The following TLK2 variants were observed in gnomAD, a reference collection of about 807,000 sequenced individuals.
The protein encoded by TLK2 is tousled like kinase 2, also known as serine/threonine-protein kinase tousled-like 2.
TLK2 carries 6 observed loss-of-function variants against 117.3 expected under a neutral mutation model. The observed-to-expected ratio is 0.05, with a 90% CI of 0.03 to 0.10. TLK2 has a LOEUF of 0.10. TLK2 is among the 10% of genes least tolerant of loss of function. The probability of loss-of-function intolerance (pLI) is 1.00; values close to 1 mark genes in which losing one functional copy is unlikely to be tolerated. For synonymous variants in TLK2, 257 were observed against 316.7 expected (o/e 0.81, Z 2.00); for missense variants, 299 against 901.2 (o/e 0.33, Z 8.56).
chr17:62,513,318 CTTTTTT>C (rs35309536), intron 2 of TLK2, among the ~76,000 whole-genome samples: 2 of 99,878 alleles, frequency 2.0e-5, no homozygotes, highest in Non-Finnish European at 3.9e-5. Flanking sequence ...ATTAAATTGC[CTTTTTT>C]TTTTTTTTTT....
chr17:62,505,847 A>C (rs1324739428), intron 2 of TLK2, among the ~76,000 whole-genome samples: 1 of 152,010 alleles, frequency 6.6e-6, no homozygotes, highest in Admixed American at 6.6e-5. Context: ...GCATGCCATC[A>C]TGCCTGGCTA....
chr17:62,532,064 A>G (rs910132020), intron 6 of TLK2, among the ~76,000 whole-genome samples: 1 of 152,190 alleles, frequency 6.6e-6, no homozygotes, highest in African/African-American at 2.4e-5. Flanking sequence ...CCCTTAGGCC[A>G]TATGTGGCTT....
At chr17:62,489,138 A>G (rs1567777158) in intron 2 of TLK2, among the ~76,000 whole-genome samples, 1 of 150,530 alleles carries the variant, frequency 6.6e-6, no homozygotes, top group South Asian at 2.1e-4. Flanking sequence ...TTCCCCTCAC[A>G]ATTCACACGC....
intron 15 of TLK2, among the ~76,000 whole-genome samples, chr17:62,584,376 A>G (rs554477569): frequency 2.0e-5 from 3 of 152,048 alleles, no homozygotes; most frequent in East Asian, 1.9e-4. Context: ...CGGCCTCCCA[A>G]AGTGCTGAGA....
chr17:62,560,132 T>C lies in TLK2; in HGVS notation c.831+6T>C, dbSNP rs1293404698. On this transcript the variant is annotated splice_donor_region_variant and intron_variant, in intron 10 of 21. Coordinates refer to ENST00000346027, the MANE Select transcript of TLK2 (RefSeq NM_006852.6). ...AGAAACTCCTTATAGAAAAGGTTAG[T>C]GAATAATGTTGGTCTAAACTCTGTA... The C allele has an allele frequency of 6.3e-7, 1 of 1,594,612 alleles. No individual in the cohort carries two copies. The highest frequency in any genetic ancestry group is 1.7e-5 in the Admixed American group (1 of 58,584).
chr17:62,576,966 C>CTTTTTTTTTTTTTTTTTTTTT (rs59523807), intron 13 of TLK2, among the ~76,000 whole-genome samples, 191 bp downstream of exon 13: 21 of 115,948 alleles, frequency 1.8e-4, no homozygotes, highest in East Asian at 3.2e-4. Context: ...CTTTCTTCTT[C>CTTTTTTTTTTTTTTTTTTTTT]TTTTTTTTTT....
intron 16 of TLK2, among the ~76,000 whole-genome samples, chr17:62,592,909 C>G (rs8074695): frequency 6.6e-6 from 1 of 152,192 alleles, no homozygotes; most frequent in African/African-American, 2.4e-5. Flanking sequence ...AAGGAGCACA[C>G]AACCTAGATC....
Position 62,472,278 on chromosome 17 carries a change from G to T in TLK2, c.-205+1200G>T, listed in dbSNP as rs141690878. ...CGTCAGGCCTAGGGGTCGTGAAGAGGAAGGTAACTGTTATGCCTACAGTTT... is the reference window on the plus strand; with the variant it reads ...CGTCAGGCCTAGGGGTCGTGAAGAGTAAGGTAACTGTTATGCCTACAGTTT... On this transcript the variant is annotated intron_variant, in intron 1 of 4. Transcript: ENST00000579450. Among the ~76,000 whole-genome samples the T allele has an allele frequency of 5.7e-3, 872 of 152,268 alleles. 8 individuals are homozygous for T. Among genetic ancestry groups the T allele is most frequent in the African/African-American group, 0.02 (831 of 41,560 alleles).
chr17:62,530,198 C>T (rs1362510796), intron 6 of TLK2, among the ~76,000 whole-genome samples: 14 of 151,666 alleles, frequency 9.2e-5, no homozygotes, highest in Non-Finnish European at 1.9e-4. Flanking sequence ...CTCTTGAACC[C>T]GGGAGGCAGA....
At chr17:62,559,538 T>C (rs1343522652) in intron 9 of TLK2, among the ~76,000 whole-genome samples, 1 of 151,920 alleles carries the variant, frequency 6.6e-6, no homozygotes, top group East Asian at 1.9e-4. Context: ...CAACCATGTG[T>C]GGCTAATTTT....
At chr17:62,513,712 G>A (rs2075339976) in intron 2 of TLK2, among the ~76,000 whole-genome samples, 3 of 151,890 alleles carry the variant, frequency 2.0e-5, no homozygotes, top group Non-Finnish European at 4.4e-5. Context: ...TTTTTGGGAT[G>A]GAGTCTGGCT....
intron 6 of TLK2, among the ~76,000 whole-genome samples, chr17:62,525,047 G>A (rs1303000218): frequency 2.0e-5 from 3 of 152,158 alleles, no homozygotes; most frequent in Non-Finnish European, 2.9e-5. Context: ...AGCTAACATA[G>A]GATTATGTTT....
At chr17:62,595,912 A>G (rs757574831) in intron 16 of TLK2, among the ~76,000 whole-genome samples, 17 of 152,128 alleles carry the variant, frequency 1.1e-4, no homozygotes, top group Admixed American at 2.0e-4. Context: ...TACAGATATG[A>G]TGTATCAGCT....
chr17:62,500,242 T>C (rs988535312), intron 2 of TLK2, among the ~76,000 whole-genome samples: 7 of 151,812 alleles, frequency 4.6e-5, no homozygotes, highest in African/African-American at 1.7e-4. Flanking sequence ...GCTAATTGTA[T>C]CTTTATATTT....
Position 62,600,619 on chromosome 17 carries a change from C to G in TLK2, c.1551-32C>G, listed in dbSNP as rs1430021323. Reference sequence around the variant, plus strand: ...TAGTGTTAATCTGCTTGCTCTTATTCCATGGTTAAATATTGGTTTATTTGT... The same window carrying G: ...TAGTGTTAATCTGCTTGCTCTTATTGCATGGTTAAATATTGGTTTATTTGT... On this transcript the variant is annotated intron_variant, in intron 17 of 21. Coordinates refer to ENST00000346027, the MANE Select transcript of TLK2 (RefSeq NM_006852.6). The G allele has an allele frequency of 5.1e-6, 8 of 1,559,696 alleles. No individual in the cohort carries two copies. The East Asian group carries it at 1.8e-4, about 35-fold the overall frequency.
chr17:62,478,704 T>G (rs1598070536), upstream of TLK2, among the ~76,000 whole-genome samples: 1 of 51,612 alleles, frequency 1.9e-5, no homozygotes, highest in Non-Finnish European at 4.0e-5. Flanking sequence ...ACCTTCCTCG[T>G]CCCCTCCCCC....
chr17:62,504,951 C>G (rs2074545261), intron 2 of TLK2, among the ~76,000 whole-genome samples: 3 of 152,042 alleles, frequency 2.0e-5, no homozygotes, highest in African/African-American at 7.2e-5. Flanking sequence ...TCAAGTGATT[C>G]TTCTTCCTTA....
chr17:62,600,294 C>T (rs905750464), intron 17 of TLK2: 5 of 165,092 alleles, frequency 3.0e-5, no homozygotes, highest in Middle Eastern at 2.8e-3. Context: ...GTTGTTTAGA[C>T]GTGGATGTGT....
chr17:62,561,734 T>C (rs2079294711), intron 10 of TLK2, among the ~76,000 whole-genome samples: 1 of 152,204 alleles, frequency 6.6e-6, no homozygotes, highest in Non-Finnish European at 1.5e-5. Flanking sequence ...TAATCAACTT[T>C]ATAGAAAAGA....
Sources: gnomAD v4.1 joint callset for allele counts (sites outside exome capture counted in the v4.1 genomes callset) on GRCh38, gnomAD v4.1.1 for gene constraint, MANE v1.5 for transcripts, NCBI Gene and HGNC (gene_info 2026-07-23, HGNC 2026-07-21) for gene names.